The following ULK1 variants were observed in gnomAD, a reference collection of about 807,000 sequenced individuals.
The protein encoded by ULK1 is serine/threonine-protein kinase ULK1.
ULK1 carries 48 observed loss-of-function variants against 117.5 expected under a neutral mutation model. The ratio of observed to expected loss-of-function variants is 0.41; its 90% CI spans 0.32 to 0.52. The LOEUF is 0.52. ULK1 is among the 20% of genes least tolerant of loss of function. The pLI, the probability that ULK1 is intolerant of heterozygous loss-of-function variation, is 0.29. For synonymous variants in ULK1, 790 were observed against 637.8 expected (o/e 1.24, Z -3.60); for missense variants, 1,387 against 1,473.4 (o/e 0.94, Z 0.96).
chr12:131,908,495 CTTGT>C, intron 5 of ULK1, 145 bp from the exon 6 acceptor site: 1 of 970,574 alleles, frequency 1.0e-6, no homozygotes, highest in South Asian at 2.0e-5. Flanking sequence ...CCCGTGGTGG[CTTGT>C]GCCCCTCCTG....
chr12:131,919,181 C>T (rs777700263), intron 23 of ULK1, 31 bp from the exon 24 acceptor site: 1 of 1,572,126 alleles, frequency 6.4e-7, no homozygotes, highest in Non-Finnish European at 8.6e-7. Flanking sequence ...GCCCGGGCAG[C>T]ACTTGCCGCC....
At chr12:131,909,074 G>A in intron 7 of ULK1, 62 bp from the exon 8 acceptor site, 3 of 1,605,794 alleles carry the variant, frequency 1.9e-6, no homozygotes, top group Admixed American at 3.4e-5. Context: ...CTGTGGCCTG[G>A]CGGGCACCTT....
At chr12:131,905,947 G>A (rs1037370213) in intron 3 of ULK1, among the ~76,000 whole-genome samples, 2 of 152,208 alleles carry the variant, frequency 1.3e-5, no homozygotes, top group African/African-American at 2.4e-5. Flanking sequence ...GGTCTTGTTG[G>A]CCCAGCAGCG....
At chr12:131,897,807 G>A (rs1290150417) in intron 3 of ULK1, 1 of 152,172 alleles carries the variant, frequency 6.6e-6, no homozygotes, top group Non-Finnish European at 1.5e-5. Flanking sequence ...AAGGTTGTAG[G>A]AGGATTGATT....
intron 22 of ULK1, 43 bp downstream of exon 22, chr12:131,917,597 T>G (rs1889919531): frequency 7.4e-7 from 1 of 1,344,788 alleles, no homozygotes; most frequent in African/African-American, 1.5e-5. Flanking sequence ...TTTGGGGTGG[T>G]GGCAGCGCCC....
intron 3 of ULK1, among the ~76,000 whole-genome samples, chr12:131,905,190 C>T (rs1889226138): frequency 1.3e-5 from 2 of 152,150 alleles, no homozygotes; most frequent in Admixed American, 6.5e-5. Context: ...GCCTTAGCCT[C>T]CCTAAAGGCA....
At chr12:131,917,347 G>C in intron 21 of ULK1, 64 bp from the exon 22 acceptor site, 1 of 1,320,828 alleles carries the variant, frequency 7.6e-7, no homozygotes, top group Admixed American at 3.3e-5. Context: ...GGTTCGGCTC[G>C]GAGGCTGTGG....
chr12:131,921,345 C>A lies in ULK1; in HGVS notation c.3137C>A (p.Thr1046Asn). 6.2e-7 allele frequency: 1 copy of A among 1,604,906 alleles called. No homozygotes were observed. Among genetic ancestry groups the A allele is most frequent in the Non-Finnish European group, 8.5e-7 (1 of 1,179,946 alleles). Residue 1046 changes from threonine to asparagine, a missense_variant, in exon 28 of 28, where the codon ACT becomes AAT. Coordinates refer to ENST00000321867, the MANE Select transcript of ULK1 (RefSeq NM_003565.4). Reference protein sequence around the residue: ...CIERRLSALLTGICA With the variant: ...CIERRLSALLNGICA ...GAGCGGAGACTCTCGGCGCTGCTGACTGGCATCTGTGCCTGACCTTTCTGG... is the reference window on the plus strand; with the variant it reads ...GAGCGGAGACTCTCGGCGCTGCTGAATGGCATCTGTGCCTGACCTTTCTGG...
chr12:131,895,527 C>G, intron 1 of ULK1, 74 bp from the exon 2 acceptor site: 1 of 1,288,574 alleles, frequency 7.8e-7, no homozygotes, highest in Non-Finnish European at 1.1e-6. Context: ...CAGGGCCCCA[C>G]CTGTGTGGAC....
In ULK1 at chr12:131,902,417, A is replaced by G. The variant is rs1423287934; in HGVS notation, c.247-4475A>G. Reference sequence around the variant, plus strand: ...GGGGCAGCCTCCTACGTGCCCAGACACCCGTGCCAGGCTGCCTGGGACACC... The same window carrying G: ...GGGGCAGCCTCCTACGTGCCCAGACGCCCGTGCCAGGCTGCCTGGGACACC... On this transcript the variant is annotated intron_variant, in intron 3 of 27. Transcript: ENST00000321867. This position sits in a 1 kb window ranked among gnomAD's most constrained non-coding sequence, Gnocchi z 6.3. Among the ~76,000 whole-genome samples the G allele has an allele frequency of 6.6e-6, 1 of 151,874 alleles. No homozygotes were observed. The highest frequency in any genetic ancestry group is 1.5e-5 in the Non-Finnish European group (1 of 67,956).
intron 11 of ULK1, 121 bp downstream of exon 11, chr12:131,910,425 C>G: frequency 1.4e-6 from 2 of 1,448,056 alleles, no homozygotes; most frequent in Non-Finnish European, 1.9e-6. Context: ...GGCCAGCTCC[C>G]AGGGAGGGCA....
chr12:131,905,026 G>A (rs1207265214), intron 3 of ULK1, among the ~76,000 whole-genome samples: 1 of 152,176 alleles, frequency 6.6e-6, no homozygotes, highest in Non-Finnish European at 1.5e-5. Context: ...AGGCCAGGCG[G>A]GGCTTGGGGT....
intron 12 of ULK1, 82 bp from the exon 13 acceptor site, chr12:131,911,860 G>A: frequency 1.9e-6 from 3 of 1,601,876 alleles, no homozygotes; most frequent in Non-Finnish European, 2.6e-6. Context: ...TGGGGCTCTG[G>A]GCCATCCCAG....
chr12:131,917,105 G>GGAGGCTGTGGGATGGGGCTT, intron 21 of ULK1, 43 bp downstream of exon 21: 1 of 1,128,180 alleles, frequency 8.9e-7, no homozygotes, highest in Non-Finnish European at 1.2e-6. Flanking sequence ...GATGGGGGTC[G>GGAGGCTGTGGGATGGGGCTT]GAGGCTGTGG....
At chr12:131,910,977 C>T (rs984566949) in intron 12 of ULK1, among the ~76,000 whole-genome samples, 177 bp downstream of exon 12, 1 of 152,220 alleles carries the variant, frequency 6.6e-6, no homozygotes, top group African/African-American at 2.4e-5. Flanking sequence ...ACAGCCCCTC[C>T]CAACACCCAC....
Position 131,918,938 on chromosome 12 carries a change from C to T in ULK1, c.2511+257C>T, listed in dbSNP as rs372272836. 0.02 allele frequency among the ~76,000 whole-genome samples: 257 copies of T among 13,152 alleles called. 15 individuals are homozygous for T. The South Asian group carries it at 0.23, about 12-fold the overall frequency. 8.6% of individuals were successfully genotyped at this position (13,152 alleles called of 152,430 possible). A position where few individuals can be genotyped will look rare whatever the true frequency, so the allele number is the denominator to read the frequency against. On this transcript the variant is annotated intron_variant, in intron 23 of 27. Coordinates refer to ENST00000321867, the MANE Select transcript of ULK1 (RefSeq NM_003565.4). ...TGTGGGGTGCAGGGTGTGTGGGGTG[C>T]AGGGTGTGTGGGGTGCAGGGTGTGG... is the stretch of plus-strand genomic sequence containing the variant.
chr12:131,907,069 T>C, intron 4 of ULK1, 145 bp downstream of exon 4: 1 of 1,126,398 alleles, frequency 8.9e-7, no homozygotes, highest in Admixed American at 2.0e-5. Flanking sequence ...CAGGCTGGAG[T>C]GCAGTGCTGC....
intron 4 of ULK1, 131 bp downstream of exon 4, chr12:131,907,055 C>A (rs61942431): frequency 7.8e-7 from 1 of 1,274,410 alleles, no homozygotes; most frequent in South Asian, 1.3e-5. Flanking sequence ...GTCTCACTGT[C>A]GCCCAGGCTG....
At position 131,915,137 on chromosome 12, in the gene ULK1, C is replaced by T. The variant is rs1889715769; in HGVS notation, c.1428C>T (p.Ala476=). ...GSTSPLGFAR[A]SPSPPAHAEH... is the part of the protein sequence containing the mutation. The stretch of plus-strand genomic sequence containing the variant: ...CCAGCCCCCTGGGCTTTGCAAGGGC[C>T]AGCCCCTCGCCCCCTGCCCACGCTG... Residue 476 remains alanine (A), a synonymous_variant, in exon 17 of 28, where the codon GCC becomes GCT. Coordinates refer to ENST00000321867, the MANE Select transcript of ULK1 (RefSeq NM_003565.4). 19 of 1,604,178 alleles carry T rather than the reference C, an allele frequency of 1.2e-5. No homozygotes were observed. The highest frequency in any genetic ancestry group is 1.6e-5 in the Non-Finnish European group (19 of 1,175,464).
Sources: allele counts gnomAD v4.1 joint callset (sites outside exome capture counted in the v4.1 genomes callset), GRCh38; gene constraint gnomAD v4.1.1; non-coding constraint Gnocchi (gnomAD v3.1); transcripts MANE v1.5; gene names NCBI Gene and HGNC (gene_info 2026-07-23, HGNC 2026-07-21).